TRAM2: variants seen among roughly 807,000 people sequenced by gnomAD.
TRAM2 encodes translocating chain-associated membrane protein 2.
In TRAM2, 12 loss-of-function variants were observed where a neutral mutation model predicts 51.0. The ratio of observed to expected loss-of-function variants is 0.24; its 90% confidence interval spans 0.15 to 0.38. The LOEUF is 0.38. Among genes scored for constraint, TRAM2 ranks in the 10% least tolerant of loss-of-function variants. The probability of loss-of-function intolerance (pLI) is 1.00; values close to 1 mark genes in which losing one functional copy is unlikely to be tolerated. For missense variants in TRAM2, 361 were observed against 462.0 expected, an observed-to-expected ratio of 0.78 and a Z score of 2.00; for synonymous variants, 175 against 179.4, an observed-to-expected ratio of 0.98 and a Z score of 0.20.
Position 52,541,663 on chromosome 6 carries a change from A to C in TRAM2, c.121-5817T>G, listed in dbSNP as rs191026647. On this transcript the variant is annotated intron_variant, in intron 1 of 10. Coordinates refer to ENST00000182527, the MANE Select transcript of TRAM2 (RefSeq NM_012288.4). Reference sequence around the variant, plus strand: ...CCAGCCACAGGCACTGGGTACACCTAGGCTTCCAGATGCCCAGATAGGTTC... The same window carrying C: ...CCAGCCACAGGCACTGGGTACACCTCGGCTTCCAGATGCCCAGATAGGTTC... 7.1e-4 allele frequency among the ~76,000 whole-genome samples: 108 copies of C among 152,316 alleles called. 1 individual carries two copies. The highest frequency in any genetic ancestry group is 2.5e-3 in the African/African-American group (103 of 41,576).
Position 52,502,387 on chromosome 6 carries a change from G to C in TRAM2, c.*810C>G, listed in dbSNP as rs983564897. On this transcript the variant is annotated 3_prime_UTR_variant, in exon 11 of 11. Transcript: ENST00000182527. The stretch of plus-strand genomic sequence containing the variant: ...GTTCTGCCACCATTACCTTTCTGGA[G>C]GTGCCTGCTGCGCAGTTTGCTCTGC... 6.6e-6 allele frequency: 1 copy of C among 152,270 alleles called. No homozygotes were observed. Among genetic ancestry groups the C allele is most frequent in the Admixed American group, 6.5e-5 (1 of 15,286 alleles). The allele number at this position is 152,270 out of a possible 1,614,324, so 9.4% of individuals were successfully genotyped here.
intron 2 of TRAM2, among the ~76,000 whole-genome samples, chr6:52,526,152 GACACAC>G (rs775593303): frequency 0.16 from 4,614 of 28,496 alleles, 79 homozygotes; most frequent in Admixed American, 0.2. Context: ...CACACAGACA[GACACAC>G]ACACACACAC....
chr6:52,514,256 TA>T (rs199852526), intron 4 of TRAM2, among the ~76,000 whole-genome samples: 1,990 of 146,222 alleles, frequency 0.014, 33 homozygotes, highest in African/African-American at 0.05. Context: ...AGAAAAATAT[TA>T]TTTTTTTAAA....
At chr6:52,549,653 A>T (rs1220566191) in intron 1 of TRAM2, among the ~76,000 whole-genome samples, 1 of 152,210 alleles carries the variant, frequency 6.6e-6, no homozygotes, top group Non-Finnish European at 1.5e-5. Flanking sequence ...AATTCCATTT[A>T]TGCTGCACCA....
chr6:52,554,763 A>G (rs1403815048), intron 1 of TRAM2, among the ~76,000 whole-genome samples: 1 of 137,008 alleles, frequency 7.3e-6, no homozygotes, highest in Non-Finnish European at 1.5e-5. Flanking sequence ...CTTAGAGTCA[A>G]TCCTTTTTTT....
At chr6:52,556,373 C>T (rs940194637) in intron 1 of TRAM2, among the ~76,000 whole-genome samples, 4 of 151,922 alleles carry the variant, frequency 2.6e-5, no homozygotes, top group African/African-American at 7.3e-5. Context: ...CTACACCTCC[C>T]GGGTTCAAGT....
chr6:52,513,913 G>A (rs1766495843), intron 4 of TRAM2, among the ~76,000 whole-genome samples: 1 of 152,262 alleles, frequency 6.6e-6, no homozygotes, highest in South Asian at 2.1e-4. Context: ...GTCTAGGCAA[G>A]AGATGATGGT....
intron 2 of TRAM2, among the ~76,000 whole-genome samples, chr6:52,526,148 GACAGACACACAC>G (rs1373439798): frequency 0.013 from 1,939 of 146,474 alleles, 40 homozygotes; most frequent in African/African-American, 0.026. Context: ...AATACACACA[GACAGACACACAC>G]ACACACACAC....
At chr6:52,551,551 G>A (rs1456138067) in intron 1 of TRAM2, among the ~76,000 whole-genome samples, 1 of 152,226 alleles carries the variant, frequency 6.6e-6, no homozygotes, top group African/African-American at 2.4e-5. Context: ...TTATCTCCAG[G>A]AGTCTTTCTA....
rs146676984 is a variant in TRAM2 at position 52,509,640 on chromosome 6, G to A, written c.412-54C>T. 8 of 1,581,882 alleles carry A rather than the reference G, an allele frequency of 5.1e-6. No homozygotes were observed. In the African/African-American group the frequency reaches 1.1e-4, roughly 21 times the overall value. On this transcript the variant is annotated intron_variant, in intron 4 of 10. Transcript: ENST00000182527. ...AGAGATGTGGACGTGAGACCTGCTG[G>A]GGCCCTGGGACCGGTCCAGGGGTCA...
intron 4 of TRAM2, among the ~76,000 whole-genome samples, chr6:52,515,096 G>T (rs971211956): frequency 3.3e-5 from 5 of 152,212 alleles, no homozygotes; most frequent in African/African-American, 1.2e-4. Flanking sequence ...TCCTTGTGAT[G>T]GGAGCGCCCA....
At position 52,542,278 on chromosome 6, in the gene TRAM2, A is replaced by ATTTT. The variant is rs773694383; in HGVS notation, c.121-6433_121-6432insAAAA. Among the ~76,000 whole-genome samples, 22 of 99,444 alleles carry ATTTT rather than the reference A, an allele frequency of 2.2e-4. 1 individual carries two copies. Among genetic ancestry groups the ATTTT allele is most frequent in the South Asian group, 1.0e-3 (3 of 2,954 alleles). 65.2% of individuals were successfully genotyped at this position (99,444 alleles called of 152,430 possible). On this transcript the variant is annotated intron_variant, in intron 1 of 10. Coordinates refer to ENST00000182527, the MANE Select transcript of TRAM2 (RefSeq NM_012288.4). Reference sequence around the variant, plus strand: ...GATTTTTGGGTTTTTTTTTTTTTTAAAAAAAATAGTCTTTTAGCCTTTTTT... The same window carrying ATTTT: ...GATTTTTGGGTTTTTTTTTTTTTTAATTTTAAAAAATAGTCTTTTAGCCTTTTTT...
chr6:52,516,543 G>T, intron 3 of TRAM2, 85 bp downstream of exon 3: 1 of 1,100,008 alleles, frequency 9.1e-7, no homozygotes, highest in Non-Finnish European at 1.4e-6. Context: ...AATGGGTGCA[G>T]AGCTGCAGTT....
chr6:52,568,455 T>A (rs1767625652), intron 1 of TRAM2, among the ~76,000 whole-genome samples: 1 of 152,178 alleles, frequency 6.6e-6, no homozygotes, highest in Non-Finnish European at 1.5e-5. Flanking sequence ...AAAGTTCCAA[T>A]TCTGCTCTAA....
In TRAM2 at chr6:52,500,068, C is replaced by T. The variant is rs1056639796; in HGVS notation, c.*3129G>A. On this transcript the variant is annotated 3_prime_UTR_variant, in exon 11 of 11. Transcript: ENST00000182527. ...CCAGCGCCACCTCCCTCTCCTCCTG[C>T]TGTGTCTGTTGGCTTCCCCACAAAT... The T allele has an allele frequency of 6.6e-6, 1 of 152,426 alleles. No homozygotes were observed. Among genetic ancestry groups the T allele is most frequent in the Non-Finnish European group, 1.5e-5 (1 of 68,218 alleles). The allele number at this position is 152,426 out of a possible 1,614,324, so 9.4% of individuals were successfully genotyped here.
chr6:52,531,758 C>A (rs1766896836), intron 2 of TRAM2, among the ~76,000 whole-genome samples: 1 of 152,208 alleles, frequency 6.6e-6, no homozygotes, highest in Non-Finnish European at 1.5e-5. Context: ...CTGTCGCCAC[C>A]CCTTTGCTTT....
Position 52,498,108 on chromosome 6 carries a change from G to C in TRAM2, c.*5089C>G, listed in dbSNP as rs888951728. The C allele has an allele frequency of 6.6e-6, 1 of 152,462 alleles. No homozygotes were observed. The highest frequency in any genetic ancestry group is 2.4e-5 in the African/African-American group (1 of 41,440). The allele number at this position is 152,462 out of a possible 1,614,324, so 9.4% of individuals were successfully genotyped here. A position where few individuals can be genotyped will look rare whatever the true frequency, so the allele number is the denominator to read the frequency against. On this transcript the variant is annotated 3_prime_UTR_variant, in exon 11 of 11. Transcript: ENST00000182527. ...AAGAGTGCCACAGAAACCCACCCAG[G>C]ATCACAAGAATGACAACAAAAGGAA...
chr6:52,565,278 T>C (rs552822538), intron 1 of TRAM2, among the ~76,000 whole-genome samples: 1 of 151,946 alleles, frequency 6.6e-6, no homozygotes, highest in East Asian at 1.9e-4. Context: ...GCCATTTAGG[T>C]GAGGAATATC....
intron 1 of TRAM2, among the ~76,000 whole-genome samples, chr6:52,565,869 G>A (rs189209977): frequency 3.3e-5 from 5 of 152,270 alleles, no homozygotes; most frequent in Non-Finnish European, 5.9e-5. Context: ...CTCTGGAAAA[G>A]CCTCCACAAA....
Sources: gnomAD v4.1 joint callset for allele counts (sites outside exome capture counted in the v4.1 genomes callset) on GRCh38, gnomAD v4.1.1 for gene constraint, MANE v1.5 for transcripts, NCBI Gene and HGNC (gene_info 2026-07-23, HGNC 2026-07-21) for gene names.